PTPN2: variants seen among roughly 807,000 people sequenced by gnomAD.
PTPN2 encodes the protein tyrosine-protein phosphatase non-receptor type 2.
In PTPN2, 19 loss-of-function variants were observed where a neutral mutation model predicts 57.3. The observed-to-expected ratio is 0.33, with a 90% confidence interval of 0.23 to 0.49. The LOEUF is 0.49. Among genes scored for constraint, PTPN2 ranks in the 20% least tolerant of loss-of-function variants. PTPN2 has a pLI of 0.99. For synonymous variants in PTPN2, 153 were observed against 164.9 expected (o/e 0.93, Z 0.55); for missense variants, 358 against 501.1 (o/e 0.71, Z 2.73).
At chr18:12,817,407 T>C in intron 5 of PTPN2, 42 bp from the exon 6 acceptor site, 1 of 1,506,438 alleles carries the variant, frequency 6.6e-7, no homozygotes. Context: ...TCTAACTTTT[T>C]TCTTTTAAAA....
At chr18:12,851,864 CTG>C (rs1273377368) in intron 2 of PTPN2, among the ~76,000 whole-genome samples, 2 of 152,182 alleles carry the variant, frequency 1.3e-5, no homozygotes, top group African/African-American at 2.4e-5. Flanking sequence ...TCATGAGTCT[CTG>C]TGTTAATTTC....
At chr18:12,794,582 T>C (rs1412520368) in intron 8 of PTPN2, 97 bp from the exon 9 acceptor site, 5 of 1,401,808 alleles carry the variant, frequency 3.6e-6, no homozygotes, top group African/African-American at 2.9e-5. Flanking sequence ...ACCATCCACA[T>C]AGTTTTCACC....
intron 1 of PTPN2, 102 bp from the exon 2 acceptor site, chr18:12,859,356 C>A (rs1489961314): frequency 1.4e-6 from 1 of 719,502 alleles, no homozygotes; most frequent in Non-Finnish European, 2.3e-6. Flanking sequence ...TTATGATATG[C>A]CAAGTACTAT....
At chr18:12,824,866 G>A (rs184457774) in intron 5 of PTPN2, among the ~76,000 whole-genome samples, 18 of 152,118 alleles carry the variant, frequency 1.2e-4, no homozygotes, top group African/African-American at 3.6e-4. Context: ...TGGGAGGATC[G>A]CTTGAGCTCA....
chr18:12,801,868 A>G (rs772133125), intron 8 of PTPN2, 102 bp downstream of exon 8: 13 of 1,131,324 alleles, frequency 1.1e-5, no homozygotes, highest in South Asian at 3.2e-5. Context: ...TTTTCCTAAT[A>G]TAAAAATTAC....
chr18:12,877,445 A>C (rs2044526925), intron 1 of PTPN2, among the ~76,000 whole-genome samples: 1 of 152,236 alleles, frequency 6.6e-6, no homozygotes, highest in Non-Finnish European at 1.5e-5. Context: ...TGAAGACTCC[A>C]AGGTGTGAGA....
At chr18:12,791,299 T>C (rs1770229230), downstream of PTPN2, among the ~76,000 whole-genome samples, 1 of 152,206 alleles carries the variant, frequency 6.6e-6, no homozygotes, top group Non-Finnish European at 1.5e-5. Context: ...TAAAAACTCC[T>C]GAAAATAAAA....
intron 2 of PTPN2, among the ~76,000 whole-genome samples, chr18:12,844,204 C>T (rs1245605563): frequency 6.6e-6 from 1 of 152,198 alleles, no homozygotes; most frequent in Non-Finnish European, 1.5e-5. Flanking sequence ...TGGGTTGTTT[C>T]GAATCTGGGG....
chr18:12,866,282 C>A (rs573111858), intron 1 of PTPN2, among the ~76,000 whole-genome samples: 4 of 151,726 alleles, frequency 2.6e-5, no homozygotes, highest in African/African-American at 4.8e-5. Flanking sequence ...ACTAAAAATA[C>A]AAAAAATTAG....
At chr18:12,844,078 G>C (rs754540488) in intron 2 of PTPN2, 1 of 152,202 alleles carries the variant, frequency 6.6e-6, no homozygotes, top group Non-Finnish European at 1.5e-5. Flanking sequence ...TTCACCCAGC[G>C]TAAGTCCTCT....
chr18:12,797,160 A>C (rs1415428815), intron 8 of PTPN2, among the ~76,000 whole-genome samples: 4 of 152,186 alleles, frequency 2.6e-5, no homozygotes, highest in Non-Finnish European at 5.9e-5. Flanking sequence ...TAGGCAAAAT[A>C]TGTATAAAAA....
In PTPN2 at chr18:12,793,566, TGG is replaced by T; in HGVS notation, c.*710_*711del. On this transcript the variant is annotated 3_prime_UTR_variant, in exon 9 of 9. Transcript: ENST00000309660. ...TCTTTGTTTGCTTTTCTTTTTAAAA[TGG>T]GGAAAACTGTAAAACATAAAAGAAA... 1 of 978,852 alleles carries T rather than the reference TGG, an allele frequency of 1.0e-6. No homozygotes were observed. Among genetic ancestry groups the T allele is most frequent in the Non-Finnish European group, 1.2e-6 (1 of 823,502 alleles). 60.6% of individuals were successfully genotyped at this position (978,852 alleles called of 1,614,324 possible). A position where few individuals can be genotyped will look rare whatever the true frequency, so the allele number is the denominator to read the frequency against.
At chr18:12,830,693 A>G (rs961754601) in intron 4 of PTPN2, among the ~76,000 whole-genome samples, 1 of 152,192 alleles carries the variant, frequency 6.6e-6, no homozygotes, top group Non-Finnish European at 1.5e-5. Flanking sequence ...CCAAAGATCT[A>G]TATGTCACTG....
At position 12,803,623 on chromosome 18, in the gene PTPN2, C is replaced by A. The variant is rs535370686; in HGVS notation, c.859-1472G>T. 1.4e-3 allele frequency among the ~76,000 whole-genome samples: 218 copies of A among 152,060 alleles called. 2 individuals are homozygous for A. Among genetic ancestry groups the A allele is most frequent in the East Asian group, 1.2e-3 (6 of 5,172 alleles). ...TATTTTGATAAAATAGACTTTAGGT[C>A]AAAAATTGTAAAAAGAAACAAAGGT... On this transcript the variant is annotated intron_variant, in intron 7 of 8. Coordinates refer to ENST00000309660, the MANE Select transcript of PTPN2 (RefSeq NM_002828.4).
intron 1 of PTPN2, among the ~76,000 whole-genome samples, chr18:12,870,050 T>C (rs2044133524): frequency 6.6e-6 from 1 of 151,568 alleles, no homozygotes; most frequent in South Asian, 2.1e-4. Flanking sequence ...TACATTTTTT[T>C]TTCTTTGAGA....
chr18:12,852,804 A>G (rs1358154692), intron 2 of PTPN2, among the ~76,000 whole-genome samples: 1 of 152,250 alleles, frequency 6.6e-6, no homozygotes, highest in African/African-American at 2.4e-5. Context: ...AATCATGTTA[A>G]GATTGTTTAA....
intron 8 of PTPN2, 97 bp downstream of exon 8, chr18:12,801,873 A>C (rs760700124): frequency 8.5e-7 from 1 of 1,180,050 alleles, no homozygotes; most frequent in Non-Finnish European, 1.2e-6. Flanking sequence ...CTAATATAAA[A>C]ATTACATACC....
At chr18:12,804,664 G>A (rs138604290) in intron 7 of PTPN2, among the ~76,000 whole-genome samples, 29 of 152,136 alleles carry the variant, frequency 1.9e-4, no homozygotes, top group Non-Finnish European at 3.5e-4. Flanking sequence ...AGACACACAC[G>A]AACTATCAAA....
chr18:12,876,541 A>G (rs934788834), intron 1 of PTPN2, among the ~76,000 whole-genome samples: 2 of 152,230 alleles, frequency 1.3e-5, no homozygotes, highest in African/African-American at 2.4e-5. Context: ...GACAAACGCA[A>G]CTATCTGGAT....
Sources: gnomAD v4.1 joint callset for allele counts (sites outside exome capture counted in the v4.1 genomes callset) on GRCh38, gnomAD v4.1.1 for gene constraint, MANE v1.5 for transcripts, NCBI Gene and HGNC (gene_info 2026-07-23, HGNC 2026-07-21) for gene names.